The following JMJD1C variants were observed in gnomAD, a reference collection of about 807,000 sequenced individuals.
JMJD1C encodes the protein jumonji domain containing 1C.
A neutral mutation model predicts 245.3 loss-of-function variants in JMJD1C; 31 were observed. The ratio of observed to expected loss-of-function variants is 0.13; its 90% CI spans 0.09 to 0.17. The LOEUF (loss-of-function observed/expected upper bound fraction) is 0.17, where lower values mean the gene tolerates loss of function less well. Ranked by LOEUF, JMJD1C falls within the 10% of genes least tolerant of loss-of-function variation. The probability of loss-of-function intolerance (pLI) is 1.00; values close to 1 mark genes in which losing one functional copy is unlikely to be tolerated. For missense variants in JMJD1C, 2,691 were observed against 3,000.2 expected (o/e 0.90, Z 2.41); for synonymous variants, 1,057 against 1,017.4 (o/e 1.04, Z -0.74).
chr10:63,439,315 G>A (rs1296635701), intron 1 of JMJD1C, among the ~76,000 whole-genome samples: 2 of 152,128 alleles, frequency 1.3e-5, no homozygotes, highest in Non-Finnish European at 2.9e-5. Context: ...GGCTTTCACT[G>A]AGAATTATTA....
At chr10:63,438,942 T>C (rs1951208798) in intron 1 of JMJD1C, among the ~76,000 whole-genome samples, 1 of 152,232 alleles carries the variant, frequency 6.6e-6, no homozygotes, top group Non-Finnish European at 1.5e-5. Flanking sequence ...TCTTATCTTT[T>C]GTCTCTCCTT....
intron 1 of JMJD1C, among the ~76,000 whole-genome samples, chr10:63,415,962 C>A (rs1415175846): frequency 2.0e-5 from 3 of 152,114 alleles, no homozygotes; most frequent in Admixed American, 1.3e-4. Context: ...CACAGCTGAA[C>A]CCCCACAACT....
intron 1 of JMJD1C, among the ~76,000 whole-genome samples, chr10:63,491,457 C>G (rs1413301120): frequency 6.6e-6 from 1 of 152,178 alleles, no homozygotes; most frequent in Non-Finnish European, 1.5e-5. Context: ...CTTGATCCCC[C>G]TTCCTTTCTT....
intron 8 of JMJD1C, among the ~76,000 whole-genome samples, chr10:63,211,033 G>A (rs914790026): frequency 6.6e-6 from 1 of 152,166 alleles, no homozygotes; most frequent in African/African-American, 2.4e-5. Context: ...TTCATTAAAG[G>A]CCAAAGGTCA....
chr10:63,215,791 T>A, intron 5 of JMJD1C, 95 bp from the exon 6 acceptor site: 1 of 835,558 alleles, frequency 1.2e-6, no homozygotes. Flanking sequence ...TGTTTAGAAA[T>A]CAGCTTGGGA....
At chr10:63,403,957 A>C (rs1441896386) in intron 1 of JMJD1C, among the ~76,000 whole-genome samples, 2 of 151,794 alleles carry the variant, frequency 1.3e-5, no homozygotes, top group East Asian at 3.9e-4. Flanking sequence ...ACAACAAAAA[A>C]CACAAAAATT....
chr10:63,240,281 C>CAA (rs149657958), intron 3 of JMJD1C, among the ~76,000 whole-genome samples: 4 of 150,374 alleles, frequency 2.7e-5, no homozygotes, highest in African/African-American at 9.8e-5. Flanking sequence ...AGGAGCACTA[C>CAA]AAAAAAAAAT....
intron 1 of JMJD1C, among the ~76,000 whole-genome samples, chr10:63,519,873 G>C (rs1424516891): frequency 6.6e-6 from 1 of 152,204 alleles, no homozygotes; most frequent in African/African-American, 2.4e-5. Context: ...CTTTCATGAA[G>C]GGATCTGAAT....
chr10:63,242,828 A>C (rs1266441719), intron 3 of JMJD1C, among the ~76,000 whole-genome samples: 5 of 152,050 alleles, frequency 3.3e-5, no homozygotes. Context: ...AACTCTGACC[A>C]TATATATTCT....
intron 2 of JMJD1C, among the ~76,000 whole-genome samples, chr10:63,290,768 T>A (rs1456109078): frequency 6.6e-6 from 1 of 152,086 alleles, no homozygotes; most frequent in East Asian, 1.9e-4. Flanking sequence ...TATAAGTTCA[T>A]GATATTCAGG....
chr10:63,360,085 G>C (rs940446052), intron 2 of JMJD1C, among the ~76,000 whole-genome samples: 1 of 152,050 alleles, frequency 6.6e-6, no homozygotes, highest in African/African-American at 2.4e-5. Context: ...TGAGGCAGGA[G>C]AATCAATAGA....
chr10:63,220,369 T>C (rs1848458962), intron 3 of JMJD1C, among the ~76,000 whole-genome samples: 1 of 152,210 alleles, frequency 6.6e-6, no homozygotes. Flanking sequence ...TGACAATAGA[T>C]ACATACACAG....
At position 63,214,973 on chromosome 10, in the gene JMJD1C, C is replaced by T; in HGVS notation, c.1194G>A (p.Glu398=). ...IIDNSSEQKP[E]NELKNKNTSK... is the part of the protein sequence containing the mutation. ...AAGTATTTTTATTTTTCAATTCATT[C>T]TCTGGCTTCTGTTCTGAGGAATTAT... Residue 398 remains glutamate (E), a synonymous_variant, in exon 8 of 26, where the codon GAG becomes GAA. Transcript: ENST00000399262. The T allele has an allele frequency of 6.3e-7, 1 of 1,598,926 alleles. No homozygotes were observed. Among genetic ancestry groups the T allele is most frequent in the Non-Finnish European group, 8.5e-7 (1 of 1,172,626 alleles).
chr10:63,519,197 T>C (rs1341803812), intron 1 of JMJD1C, among the ~76,000 whole-genome samples: 1 of 152,130 alleles, frequency 6.6e-6, no homozygotes, highest in Non-Finnish European at 1.5e-5. Context: ...ATAATAAGCA[T>C]ACAAAATGAA....
At chr10:63,335,729 T>C (rs1942654589) in intron 2 of JMJD1C, among the ~76,000 whole-genome samples, 1 of 152,006 alleles carries the variant, frequency 6.6e-6, no homozygotes, top group African/African-American at 2.4e-5. Flanking sequence ...CAGACTGTTC[T>C]TGAACTCCTG....
At position 63,207,383 on chromosome 10, in the gene JMJD1C, G is replaced by A. The variant is rs201627592; in HGVS notation, c.4286C>T (p.Ser1429Leu). Residue 1429 changes from serine (S) to leucine (L), a missense_variant, in exon 10 of 26, where the codon TCA (serine) becomes TTA (leucine). By Grantham distance (145) the Ser-to-Leu change is moderately radical. Transcript: ENST00000399262. ...SLSNTILAST[S>L]SECVSSKSVS... ...ACTTTTTGAAGATACACATTCTGAT[G>A]ATGTAGAGGCCAAAATGGTATTTGA... 1.2e-3 allele frequency: 1,862 copies of A among 1,613,880 alleles called. 2 individuals carry two copies. Among genetic ancestry groups the A allele is most frequent in the Non-Finnish European group, 1.5e-3 (1,743 of 1,180,032 alleles).
chr10:63,514,755 T>A (rs927992827), intron 1 of JMJD1C, among the ~76,000 whole-genome samples: 2 of 151,818 alleles, frequency 1.3e-5, no homozygotes, highest in African/African-American at 2.4e-5. Flanking sequence ...ACCACACACA[T>A]GTACCCCAGA....
intron 2 of JMJD1C, among the ~76,000 whole-genome samples, chr10:63,298,720 G>A (rs1165898911): frequency 6.6e-6 from 1 of 152,052 alleles, no homozygotes; most frequent in Non-Finnish European, 1.5e-5. Context: ...GTAAAAGACA[G>A]AATGCCACAT....
intron 2 of JMJD1C, among the ~76,000 whole-genome samples, chr10:63,284,056 C>T (rs531131918): frequency 6.6e-6 from 1 of 151,500 alleles, no homozygotes; most frequent in African/African-American, 2.4e-5. Context: ...GACGGAGTCT[C>T]GCTCTGTCAC....
Sources: allele counts gnomAD v4.1 joint callset (sites outside exome capture counted in the v4.1 genomes callset), GRCh38; gene constraint gnomAD v4.1.1; transcripts MANE v1.5; gene names NCBI Gene and HGNC (gene_info 2026-07-23, HGNC 2026-07-21).